The following PRDM1 variants were observed in gnomAD, a reference collection of about 807,000 sequenced individuals.
PRDM1 encodes PR/SET domain 1.
PRDM1 carries 13 observed loss-of-function variants against 62.8 expected under a neutral mutation model. That is an observed-to-expected ratio of 0.21 (90% CI 0.13 to 0.33). PRDM1 has a LOEUF of 0.33. PRDM1 is among the 10% of genes least tolerant of loss of function. The probability of loss-of-function intolerance (pLI) is 1.00; values close to 1 mark genes in which losing one functional copy is unlikely to be tolerated. For missense variants in PRDM1, 895 were observed against 1,058.8 expected, an observed-to-expected ratio of 0.85 and a Z score of 2.15; for synonymous variants, 396 against 417.6, an observed-to-expected ratio of 0.95 and a Z score of 0.63.
At chr6:106,089,019 C>CT (rs1773892553) in intron 2 of PRDM1, among the ~76,000 whole-genome samples, 1 of 152,182 alleles carries the variant, frequency 6.6e-6, no homozygotes, top group African/African-American at 2.4e-5. Context: ...GAGCTAACCA[C>CT]TGTTTATCTG....
intron 4 of PRDM1, among the ~76,000 whole-genome samples, chr6:106,100,935 A>G (rs1194571497): frequency 2.6e-5 from 4 of 152,002 alleles, no homozygotes; most frequent in Non-Finnish European, 5.9e-5. Flanking sequence ...ATGTCTCTTC[A>G]GCGCTCCCCG....
At chr6:106,094,998 A>G (rs1582466904) in intron 2 of PRDM1, among the ~76,000 whole-genome samples, 2 of 151,836 alleles carry the variant, frequency 1.3e-5, no homozygotes, top group East Asian at 3.9e-4. Context: ...AGAGAAGAAC[A>G]AAGTTACTTG....
chr6:105,998,933 A>ATATATT (rs1290453454), intron 1 of PRDM1, among the ~76,000 whole-genome samples: 5 of 6,394 alleles, frequency 7.8e-4, no homozygotes, highest in Non-Finnish European at 1.3e-3. Flanking sequence ...ATATATATAT[A>ATATATT]TTTTTTTTTT....
chr6:106,006,950 A>G lies in PRDM1; in HGVS notation c.-67+13311A>G, dbSNP rs990129777. On this transcript the variant is annotated intron_variant, in intron 1 of 6. Coordinates refer to the PRDM1 transcript ENST00000652320. ...TTGTGTGTAATTTGGAAGGTGTACT[A>G]AGACATGGCAACACACTGCACTCAA... 2.6e-5 allele frequency among the ~76,000 whole-genome samples: 4 copies of G among 151,948 alleles called. No homozygotes were observed. In the East Asian group the frequency reaches 7.7e-4, roughly 29 times the overall value.
upstream of PRDM1, among the ~76,000 whole-genome samples, chr6:106,081,664 C>T (rs185480258): frequency 1.3e-5 from 2 of 152,286 alleles, no homozygotes; most frequent in East Asian, 3.9e-4. Flanking sequence ...CTCTTCTATC[C>T]TAACTTACCT....
chr6:106,039,485 C>G (rs972028780), intron 1 of PRDM1, among the ~76,000 whole-genome samples: 1 of 152,158 alleles, frequency 6.6e-6, no homozygotes, highest in Non-Finnish European at 1.5e-5. Context: ...TCCTCTATAG[C>G]TACTATTTTG....
chr6:105,999,340 G>A (rs1301858124), intron 1 of PRDM1, among the ~76,000 whole-genome samples: 1 of 151,922 alleles, frequency 6.6e-6, no homozygotes, highest in African/African-American at 2.4e-5. Flanking sequence ...AGGATCACTT[G>A]AGGCCAGGAG....
At chr6:106,066,893 A>C (rs1431755939) in intron 1 of PRDM1, among the ~76,000 whole-genome samples, 1 of 152,186 alleles carries the variant, frequency 6.6e-6, no homozygotes, top group East Asian at 1.9e-4. Context: ...CTTATGGTAA[A>C]GTATTTGAAC....
chr6:106,080,438 TC>T (rs1210911441), intron 1 of PRDM1, among the ~76,000 whole-genome samples: 1 of 151,766 alleles, frequency 6.6e-6, no homozygotes, highest in Non-Finnish European at 1.5e-5. Context: ...TCCTTCCTTC[TC>T]CTCCCCTCAA....
At chr6:106,042,077 G>C (rs1773005277) in intron 1 of PRDM1, among the ~76,000 whole-genome samples, 1 of 150,590 alleles carries the variant, frequency 6.6e-6, no homozygotes, top group Non-Finnish European at 1.5e-5. Flanking sequence ...CAAAGTGCTG[G>C]GATTACAGGC....
intron 1 of PRDM1, among the ~76,000 whole-genome samples, chr6:106,024,419 A>G (rs1772738916): frequency 6.6e-6 from 1 of 152,218 alleles, no homozygotes; most frequent in African/African-American, 2.4e-5. Flanking sequence ...CAGAGGATTA[A>G]AAATACTCTC....
chr6:106,014,473 C>CA (rs1772594535), intron 1 of PRDM1, among the ~76,000 whole-genome samples: 1 of 150,454 alleles, frequency 6.6e-6, no homozygotes, highest in Non-Finnish European at 1.5e-5. Flanking sequence ...AAGTATTGAA[C>CA]AAAGGACTTG....
chr6:105,998,956 G>A lies in PRDM1; in HGVS notation c.-67+5317G>A, dbSNP rs556821455. 2.9e-4 allele frequency among the ~76,000 whole-genome samples: 34 copies of A among 116,216 alleles called. No individual in the cohort carries two copies. The East Asian group carries it at 7.0e-3, about 24-fold the overall frequency. 76.2% of individuals were successfully genotyped at this position (116,216 alleles called of 152,430 possible). A position where few individuals can be genotyped will look rare whatever the true frequency, so the allele number is the denominator to read the frequency against. On this transcript the variant is annotated intron_variant, in intron 1 of 6. Coordinates refer to the PRDM1 transcript ENST00000652320. The stretch of plus-strand genomic sequence containing the variant: ...ATATTTTTTTTTTTTTTTTTCTTTT[G>A]AGACAAGATCTCACTCTGTCACTCA...
chr6:106,048,522 C>T (rs373181356), upstream of PRDM1, among the ~76,000 whole-genome samples: 1 of 152,170 alleles, frequency 6.6e-6, no homozygotes, highest in Non-Finnish European at 1.5e-5. Context: ...CTGATCAGAC[C>T]GCTGAGCCTA....
intron 1 of PRDM1, among the ~76,000 whole-genome samples, chr6:106,055,284 T>A (rs1337143455): frequency 6.6e-6 from 1 of 152,238 alleles, no homozygotes; most frequent in Non-Finnish European, 1.5e-5. Flanking sequence ...ACGGGAATTT[T>A]TTTCTTGGAT....
At position 105,993,747 on chromosome 6, in the gene PRDM1, C is replaced by A. The variant is rs149659529; in HGVS notation, c.-67+108C>A. 2.0e-3 allele frequency among the ~76,000 whole-genome samples: 301 copies of A among 152,256 alleles called. 2 individuals are homozygous for A. The highest frequency in any genetic ancestry group is 7.7e-3 in the South Asian group (37 of 4,832). On this transcript the variant is annotated intron_variant, in intron 1 of 6. Coordinates refer to the PRDM1 transcript ENST00000652320. ...GATTTTAGTGAAGAGGGATCACGCC[C>A]AGAATGAGGGATAGTAAAAGAGTGG... is the stretch of plus-strand genomic sequence containing the variant.
intron 5 of PRDM1, 47 bp downstream of exon 5, chr6:106,105,980 G>A (rs779270134): frequency 1.3e-6 from 2 of 1,564,786 alleles, no homozygotes; most frequent in Non-Finnish European, 1.7e-6. Context: ...GTGCATGCTT[G>A]TGTTTGTATT....
intron 1 of PRDM1, among the ~76,000 whole-genome samples, chr6:106,029,768 G>A (rs1327198715): frequency 1.3e-5 from 2 of 151,980 alleles, no homozygotes; most frequent in Non-Finnish European, 2.9e-5. Flanking sequence ...CACCATGCCT[G>A]GCTAATTGGT....
At chr6:106,033,251 A>G (rs992074930) in intron 1 of PRDM1, among the ~76,000 whole-genome samples, 1 of 151,474 alleles carries the variant, frequency 6.6e-6, no homozygotes, top group African/African-American at 2.4e-5. Context: ...GTGATACCCC[A>G]CCACCACCTC....
Sources: gnomAD v4.1 joint callset for allele counts (sites outside exome capture counted in the v4.1 genomes callset) on GRCh38, gnomAD v4.1.1 for gene constraint, MANE v1.5 for transcripts, NCBI Gene and HGNC (gene_info 2026-07-23, HGNC 2026-07-21) for gene names.